Variants in CHST8 observed in about 807,000 individuals in gnomAD.
The protein encoded by CHST8 is GALNAC-4-ST1.
In CHST8, 10 loss-of-function variants were observed where a neutral mutation model predicts 15.0. That is an observed-to-expected ratio of 0.67 (90% CI 0.41 to 1.13). CHST8 has a LOEUF of 1.13. CHST8 is among the 50% of genes most tolerant of loss of function. The pLI, the probability that CHST8 is intolerant of heterozygous loss-of-function variation, is 0.00. For synonymous variants in CHST8, 259 were observed against 256.6 expected (o/e 1.01, Z -0.09); for missense variants, 634 against 608.2 (o/e 1.04, Z -0.45).
In CHST8 at chr19:33,715,277, C is replaced by T. The variant is rs186514153; in HGVS notation, c.130+25886C>T. On this transcript the variant is annotated intron_variant, in intron 3 of 4. Transcript: ENST00000650847. ...CCCTCTCTGGCTGTGGCATCACCTG[C>T]CTTGTCCTGCTGTCTCCAGCATGAT... Among the ~76,000 whole-genome samples, 351 of 152,302 alleles carry T rather than the reference C, an allele frequency of 2.3e-3. 3 individuals are homozygous for T. The highest frequency in any genetic ancestry group is 8.0e-3 in the African/African-American group (332 of 41,564).
chr19:33,627,621 A>G (rs1273906598), intron 1 of CHST8, among the ~76,000 whole-genome samples: 1 of 152,168 alleles, frequency 6.6e-6, no homozygotes, highest in African/African-American at 2.4e-5. Context: ...TGAGGGCAAG[A>G]TGCCCTTTCC....
intron 3 of CHST8, among the ~76,000 whole-genome samples, chr19:33,755,566 C>T (rs1974529563): frequency 6.6e-6 from 1 of 152,246 alleles, no homozygotes; most frequent in Non-Finnish European, 1.5e-5. Context: ...CTGCCACGCG[C>T]AGGCGTGAAA....
At chr19:33,674,032 G>T (rs1316068165) in intron 2 of CHST8, among the ~76,000 whole-genome samples, 2 of 152,214 alleles carry the variant, frequency 1.3e-5, no homozygotes, top group African/African-American at 4.8e-5. Context: ...GGGATTACAT[G>T]CATAAGCCAC....
chr19:33,736,307 C>T (rs1974083017), intron 3 of CHST8, among the ~76,000 whole-genome samples: 1 of 152,194 alleles, frequency 6.6e-6, no homozygotes, highest in Non-Finnish European at 1.5e-5. Flanking sequence ...CCTGGGCTCT[C>T]CCGGATGCTG....
At chr19:33,656,620 T>G (rs1287025709) in intron 1 of CHST8, among the ~76,000 whole-genome samples, 1 of 152,020 alleles carries the variant, frequency 6.6e-6, no homozygotes, top group Non-Finnish European at 1.5e-5. Context: ...ACTGCAGCCT[T>G]GAAATCCAGG....
chr19:33,751,653 G>C (rs192953108), intron 3 of CHST8, among the ~76,000 whole-genome samples: 2 of 152,324 alleles, frequency 1.3e-5, no homozygotes, highest in Admixed American at 1.3e-4. Context: ...TCAGAGAGTG[G>C]TTACAGCAAG....
intron 3 of CHST8, among the ~76,000 whole-genome samples, chr19:33,717,425 C>A (rs538123997): frequency 6.6e-6 from 1 of 152,144 alleles, no homozygotes; most frequent in East Asian, 1.9e-4. Context: ...CACACCACTG[C>A]ACTCCAGCCT....
intron 3 of CHST8, among the ~76,000 whole-genome samples, chr19:33,729,588 G>A (rs284682): frequency 0.46 from 69,781 of 152,040 alleles, 16,816 homozygotes; most frequent in East Asian, 0.89. Context: ...GCTGCCTGCC[G>A]CAGGTGAGGT....
chr19:33,764,479 G>A (rs1238712693), intron 3 of CHST8, among the ~76,000 whole-genome samples: 1 of 152,170 alleles, frequency 6.6e-6, no homozygotes, highest in Non-Finnish European at 1.5e-5. Context: ...CAGCCTGGGT[G>A]ACTGAGCAAG....
chr19:33,736,129 C>A (rs1262642752), intron 3 of CHST8, among the ~76,000 whole-genome samples: 1 of 152,212 alleles, frequency 6.6e-6, no homozygotes, highest in East Asian at 1.9e-4. Flanking sequence ...CATAGACCCT[C>A]AGCCTGAGAA....
chr19:33,771,388 G>T (rs974303156), intron 3 of CHST8, 25 bp from the exon 4 acceptor site: 1 of 1,613,592 alleles, frequency 6.2e-7, no homozygotes, highest in Non-Finnish European at 8.5e-7. Flanking sequence ...CGCTAATACT[G>T]TCCTCTCCTC....
chr19:33,688,231 G>A (rs1342478113), intron 2 of CHST8, among the ~76,000 whole-genome samples: 1 of 152,226 alleles, frequency 6.6e-6, no homozygotes, highest in Admixed American at 6.5e-5. Flanking sequence ...TGGCCTTGGG[G>A]TGCCCCCATC....
At position 33,772,809 on chromosome 19, in the gene CHST8, G is replaced by A. The variant is rs766265994; in HGVS notation, c.1021G>A (p.Asp341Asn). 4 of 1,613,476 alleles carry A rather than the reference G, an allele frequency of 2.5e-6. No homozygotes were observed. The highest frequency in any genetic ancestry group is 1.1e-5 in the South Asian group (1 of 91,084). Reference protein sequence around the residue: ...VSRLCSPCLIDYDFVGKFESM... With the variant: ...VSRLCSPCLINYDFVGKFESM... ...CCGGCTCTGCAGCCCCTGCCTCATCGACTACGATTTCGTAGGCAAGTTCGA... is the reference window on the plus strand; with the variant it reads ...CCGGCTCTGCAGCCCCTGCCTCATCAACTACGATTTCGTAGGCAAGTTCGA... The change falls in exon 5 of 5, where the codon GAC (aspartate) becomes AAC (asparagine). Residue 341 changes from aspartate to asparagine, a missense_variant. Asp to Asn is a conservative substitution (Grantham distance 23). Transcript: ENST00000650847.
intron 1 of CHST8, among the ~76,000 whole-genome samples, chr19:33,634,443 C>T (rs1312241694): frequency 1.3e-5 from 2 of 152,116 alleles, no homozygotes; most frequent in Non-Finnish European, 2.9e-5. Flanking sequence ...AAACGTCTGG[C>T]AGTGCTTCTG....
rs374438705 is a variant in CHST8, at chr19:33,716,897, C to G, written c.130+27506C>G. 4.6e-5 allele frequency among the ~76,000 whole-genome samples: 7 copies of G among 152,298 alleles called. No homozygotes were observed. In the East Asian group the frequency reaches 1.4e-3, roughly 29 times the overall value. On this transcript the variant is annotated intron_variant, in intron 3 of 4. Transcript: ENST00000650847. ...CGTCGGTTTCTTCTGGGACCTTTCTCCTGGGTTTGTAGATGGCCATCTTCT... is the reference window on the plus strand; with the variant it reads ...CGTCGGTTTCTTCTGGGACCTTTCTGCTGGGTTTGTAGATGGCCATCTTCT...
rs1442170803 is a variant in CHST8, at chr19:33,771,946, T to C, written c.169-11T>C. 1 of 1,544,784 alleles carries C rather than the reference T, an allele frequency of 6.5e-7. No homozygotes were observed. The highest frequency in any genetic ancestry group is 8.7e-7 in the Non-Finnish European group (1 of 1,149,350). On this transcript the variant is annotated splice_polypyrimidine_tract_variant and intron_variant, in intron 4 of 4. Coordinates refer to ENST00000650847, the MANE Select transcript of CHST8 (RefSeq NM_001127895.2). ...TTTCCACTCAGATAACCACTTCTCT[T>C]CTTGCCCCAGGACCTCCCACCAGGC...
chr19:33,634,436 C>T (rs1274240560), intron 1 of CHST8, among the ~76,000 whole-genome samples: 2 of 152,240 alleles, frequency 1.3e-5, no homozygotes, highest in African/African-American at 2.4e-5. Flanking sequence ...ATTGTGGAAA[C>T]GTCTGGCAGT....
At chr19:33,635,391 TGC>T (rs2145440481) in intron 1 of CHST8, among the ~76,000 whole-genome samples, 1 of 152,234 alleles carries the variant, frequency 6.6e-6, no homozygotes, top group South Asian at 2.1e-4. Context: ...ACCCAGTCAC[TGC>T]CACAAGAGGA....
At chr19:33,684,208 A>G (rs1003924963) in intron 2 of CHST8, among the ~76,000 whole-genome samples, 74 of 152,236 alleles carry the variant, frequency 4.9e-4, no homozygotes, top group African/African-American at 1.6e-3. Flanking sequence ...AGCCTGATTC[A>G]CCCGGTAATC....
Sources: allele counts gnomAD v4.1 joint callset (sites outside exome capture counted in the v4.1 genomes callset), GRCh38; gene constraint gnomAD v4.1.1; transcripts MANE v1.5; gene names NCBI Gene and HGNC (gene_info 2026-07-23, HGNC 2026-07-21).